ADAMTS3: variants seen among roughly 807,000 people sequenced by gnomAD.
The protein encoded by ADAMTS3 is A disintegrin and metalloproteinase with thrombospondin motifs 3.
In ADAMTS3, 73 loss-of-function variants were observed where a neutral mutation model predicts 129.0. That is an observed-to-expected ratio of 0.57 (90% CI 0.47 to 0.69). ADAMTS3 has a LOEUF of 0.69. Ranked by LOEUF, ADAMTS3 falls within the 30% of genes least tolerant of loss-of-function variation. The pLI, the probability that ADAMTS3 is intolerant of heterozygous loss-of-function variation, is 0.00. For synonymous variants in ADAMTS3, 477 were observed against 510.8 expected, an observed-to-expected ratio of 0.93 and a Z score of 0.89; for missense variants, 1,457 against 1,514.5, an observed-to-expected ratio of 0.96 and a Z score of 0.63.
chr4:72,523,673 C>G (rs1166795752), intron 3 of ADAMTS3, among the ~76,000 whole-genome samples: 1 of 151,950 alleles, frequency 6.6e-6, no homozygotes, highest in Non-Finnish European at 1.5e-5. Context: ...AATTAGTGAA[C>G]TTACCAATAT....
chr4:72,410,351 T>C (rs570291885), intron 4 of ADAMTS3, among the ~76,000 whole-genome samples: 3 of 152,210 alleles, frequency 2.0e-5, no homozygotes, highest in South Asian at 2.1e-4. Context: ...CACAGCACCA[T>C]GACAACCACA....
intron 3 of ADAMTS3, among the ~76,000 whole-genome samples, chr4:72,514,810 C>T (rs762385639): frequency 2.8e-4 from 42 of 152,026 alleles, no homozygotes; most frequent in Non-Finnish European, 5.2e-4. Flanking sequence ...AAAATTAACT[C>T]CAATATTTAC....
At chr4:72,549,017 C>T in intron 2 of ADAMTS3, 133 bp from the exon 3 acceptor site, 1 of 696,688 alleles carries the variant, frequency 1.4e-6, no homozygotes, top group Admixed American at 3.3e-5. Context: ...TGAATCAGCT[C>T]ATAAATATTA....
intron 15 of ADAMTS3, 46 bp downstream of exon 15, chr4:72,309,351 C>A (rs750917846): frequency 2.5e-6 from 4 of 1,593,812 alleles, no homozygotes; most frequent in East Asian, 2.2e-5. Context: ...TCAAAAAGTA[C>A]AAATCACAGA....
intron 20 of ADAMTS3, 100 bp from the exon 21 acceptor site, chr4:72,288,968 A>ACACACACC: frequency 1.4e-6 from 1 of 738,998 alleles, no homozygotes. Flanking sequence ...ACACACACAC[A>ACACACACC]AAGACACAGA....
intron 3 of ADAMTS3, among the ~76,000 whole-genome samples, chr4:72,470,274 A>G (rs538468054): frequency 1.2e-3 from 183 of 151,368 alleles, no homozygotes; most frequent in African/African-American, 4.3e-3. Flanking sequence ...TGATTCCTCT[A>G]TATCTCAGGC....
At chr4:72,416,519 A>T (rs1722309701) in intron 3 of ADAMTS3, among the ~76,000 whole-genome samples, 1 of 152,144 alleles carries the variant, frequency 6.6e-6, no homozygotes, top group Non-Finnish European at 1.5e-5. Context: ...GCTTTCACTT[A>T]AAAGAGCATT....
At chr4:72,525,579 A>G (rs533010026) in intron 3 of ADAMTS3, among the ~76,000 whole-genome samples, 2 of 152,334 alleles carry the variant, frequency 1.3e-5, no homozygotes, top group East Asian at 3.9e-4. Context: ...GAGCAAAGGC[A>G]AGATGAAACG....
At chr4:72,421,987 A>C (rs1158571955) in intron 3 of ADAMTS3, among the ~76,000 whole-genome samples, 1 of 152,116 alleles carries the variant, frequency 6.6e-6, no homozygotes, top group East Asian at 1.9e-4. Flanking sequence ...GTTTTGAGAA[A>C]CTCAAAGACC....
At chr4:72,422,048 G>A (rs763922004) in intron 3 of ADAMTS3, among the ~76,000 whole-genome samples, 9 of 152,022 alleles carry the variant, frequency 5.9e-5, no homozygotes, top group Non-Finnish European at 1.0e-4. Context: ...CTGCTCTCAG[G>A]TCTGCAACAT....
At chr4:72,308,164 A>G (rs1290208576) in intron 15 of ADAMTS3, among the ~76,000 whole-genome samples, 1 of 152,038 alleles carries the variant, frequency 6.6e-6, no homozygotes, top group Non-Finnish European at 1.5e-5. Context: ...ACTCCACTGA[A>G]ATATAATACA....
chr4:72,488,689 A>C (rs536367669), intron 3 of ADAMTS3, among the ~76,000 whole-genome samples: 1 of 152,110 alleles, frequency 6.6e-6, no homozygotes, highest in East Asian at 1.9e-4. Flanking sequence ...TTAAGGCATA[A>C]AATTTAATGA....
chr4:72,457,273 C>A (rs529820756), intron 3 of ADAMTS3, among the ~76,000 whole-genome samples: 1 of 151,598 alleles, frequency 6.6e-6, no homozygotes, highest in Non-Finnish European at 1.5e-5. Flanking sequence ...AAAGATAAAC[C>A]ATTTTACATT....
chr4:72,404,234 A>G (rs1180928368), intron 4 of ADAMTS3, among the ~76,000 whole-genome samples: 3 of 152,184 alleles, frequency 2.0e-5, no homozygotes, highest in African/African-American at 4.8e-5. Context: ...AACAAAGAAC[A>G]AAGCTGGAAG....
chr4:72,299,887 T>C (rs1718907122), intron 17 of ADAMTS3, among the ~76,000 whole-genome samples: 1 of 152,142 alleles, frequency 6.6e-6, no homozygotes, highest in East Asian at 1.9e-4. Context: ...TTTTCTCAGT[T>C]TGTCTCTTGC....
intron 3 of ADAMTS3, among the ~76,000 whole-genome samples, chr4:72,433,918 T>C (rs1226019951): frequency 6.6e-6 from 1 of 151,890 alleles, no homozygotes. Flanking sequence ...AAAGTATATA[T>C]TTTATAGAAT....
At chr4:72,456,150 T>C (rs374355949) in intron 3 of ADAMTS3, among the ~76,000 whole-genome samples, 1 of 10,042 alleles carries the variant, frequency 1.0e-4, no homozygotes, top group African/African-American at 5.6e-4. Flanking sequence ...TATATATATT[T>C]TATATATATT....
rs200176678 is a variant in ADAMTS3 at position 72,283,382 on chromosome 4, A to G, written c.3372T>C (p.Pro1124=). The G allele has an allele frequency of 5.0e-6, 8 of 1,613,546 alleles. No individual in the cohort carries two copies. The East Asian group carries it at 1.8e-4, about 36-fold the overall frequency. ...AYAAFRPNSK[P]DGANLRQRSA... is the part of the protein sequence containing the mutation. ...TCCTCTGGCGTAAATTAGCACCATC[A>G]GGTTTACTGTTTGGCCTGAAAGCAG... The change falls in exon 22 of 22, where the codon CCT becomes CCC. Residue 1124 remains proline (P), a synonymous_variant. Coordinates refer to ENST00000286657, the MANE Select transcript of ADAMTS3 (RefSeq NM_014243.3).
intron 12 of ADAMTS3, 137 bp downstream of exon 12, chr4:72,313,540 T>G (rs532988833): frequency 1.2e-6 from 1 of 817,676 alleles, no homozygotes; most frequent in African/African-American, 1.7e-5. Context: ...AAACACAGAC[T>G]GGTTTATGAA....
Sources: allele counts gnomAD v4.1 joint callset (sites outside exome capture counted in the v4.1 genomes callset), GRCh38; gene constraint gnomAD v4.1.1; transcripts MANE v1.5; gene names NCBI Gene and HGNC (gene_info 2026-07-23, HGNC 2026-07-21).